Variants in SHPRH observed in about 807,000 individuals in gnomAD.
SHPRH encodes E3 ubiquitin-protein ligase SHPRH.
Under a neutral mutation model 202.5 loss-of-function variants are expected in SHPRH, and 106 were observed. The ratio of observed to expected loss-of-function variants is 0.52; its 90% confidence interval spans 0.45 to 0.62. The LOEUF (loss-of-function observed/expected upper bound fraction) is 0.62. Among genes scored for constraint, SHPRH ranks in the 20% least tolerant of loss-of-function variants. The pLI, the probability that SHPRH is intolerant of heterozygous loss-of-function variation, is 0.00. For missense variants in SHPRH, 1,710 were observed against 2,020.0 expected (o/e 0.85, Z 2.94); for synonymous variants, 729 against 686.0 (o/e 1.06, Z -0.98).
At chr6:145,932,227 TGTGTCTATATG>T (rs1015193412) in intron 14 of SHPRH, among the ~76,000 whole-genome samples, 1 of 152,166 alleles carries the variant, frequency 6.6e-6, no homozygotes, top group Non-Finnish European at 1.5e-5. Context: ...TATGGAAAGG[TGTGTCTATATG>T]GTGCTTATTA....
intron 28 of SHPRH, among the ~76,000 whole-genome samples, chr6:145,890,954 C>T (rs566302608): frequency 2.6e-5 from 4 of 152,266 alleles, no homozygotes; most frequent in Admixed American, 2.6e-4. Flanking sequence ...CTGCCATGGT[C>T]AGGTCACCTT....
intron 13 of SHPRH, among the ~76,000 whole-genome samples, chr6:145,933,427 T>A (rs1410673324): frequency 6.6e-6 from 1 of 152,134 alleles, no homozygotes; most frequent in Non-Finnish European, 1.5e-5. Flanking sequence ...CTTCCTCAAG[T>A]ACAAAGTACA....
downstream of SHPRH, among the ~76,000 whole-genome samples, chr6:145,859,494 C>A (rs1779515501): frequency 6.6e-6 from 1 of 151,884 alleles, no homozygotes; most frequent in Non-Finnish European, 1.5e-5. Context: ...GAGATATTGA[C>A]AGCAAATCAG....
chr6:145,934,789 TCTAC>T, intron 13 of SHPRH, 114 bp downstream of exon 13: 1 of 969,786 alleles, frequency 1.0e-6, no homozygotes, highest in East Asian at 2.4e-5. Context: ...AAGAAAACCC[TCTAC>T]ACCATTAAAG....
Position 145,943,610 on chromosome 6 carries a change from G to A in SHPRH, c.1771C>T (p.Pro591Ser), listed in dbSNP as rs1397328076. Residue 591 changes from proline (P) to serine (S), a missense_variant, in exon 9 of 30, where the codon CCA becomes TCA. Coordinates refer to ENST00000275233, the MANE Select transcript of SHPRH (RefSeq NM_001042683.3). ...CCTTGTGAATCGGGATTGATAAATG[G>A]TTGACTTTTTCCTTTTTTTGTGGAT... ...VPSTKKGKSQ[P>S]FINPDSQGHC... 6.2e-6 allele frequency: 10 copies of A among 1,613,698 alleles called. No individual in the cohort carries two copies. The highest frequency in any genetic ancestry group is 8.5e-6 in the Non-Finnish European group (10 of 1,179,866).
At chr6:145,931,639 T>C (rs1002003188) in intron 14 of SHPRH, among the ~76,000 whole-genome samples, 1 of 152,126 alleles carries the variant, frequency 6.6e-6, no homozygotes, top group African/African-American at 2.4e-5. Flanking sequence ...CCTGGCCTGA[T>C]TTTTTATTTT....
chr6:145,950,706 T>C (rs1358766757), intron 3 of SHPRH, among the ~76,000 whole-genome samples: 1 of 151,950 alleles, frequency 6.6e-6, no homozygotes, highest in Non-Finnish European at 1.5e-5. Flanking sequence ...TTTCTTTTGT[T>C]TTCCCTGGCT....
At chr6:145,945,267 AT>A (rs1366955394) in intron 8 of SHPRH, 113 bp downstream of exon 8, 8 of 1,283,416 alleles carry the variant, frequency 6.2e-6, no homozygotes, top group African/African-American at 3.0e-5. Flanking sequence ...TACTTTTCCT[AT>A]TTTTTTATCT....
rs1429446141 is a variant in SHPRH at position 145,886,458 on chromosome 6, T to A, written c.*233A>T. 1.2e-6 allele frequency: 1 copy of A among 848,594 alleles called. No homozygotes were observed. 52.6% of individuals were successfully genotyped at this position (848,594 alleles called of 1,614,324 possible). A position where few individuals can be genotyped will look rare whatever the true frequency, so the allele number is the denominator to read the frequency against. On this transcript the variant is annotated 3_prime_UTR_variant, in exon 30 of 30. Transcript: ENST00000275233. The stretch of plus-strand genomic sequence containing the variant: ...TATAGATACTATTTGGGACAAAAAA[T>A]AAATGTTTTATTAGGAGTGTAAAAT...
intron 11 of SHPRH, among the ~76,000 whole-genome samples, chr6:145,940,146 G>A (rs1234521407): frequency 6.6e-6 from 1 of 152,024 alleles, no homozygotes; most frequent in African/African-American, 2.4e-5. Flanking sequence ...GTGTGGAGAG[G>A]AGGAAAAAAC....
intron 2 of SHPRH, chr6:145,871,594 T>G (rs1780058860): frequency 6.6e-6 from 1 of 152,162 alleles, no homozygotes; most frequent in South Asian, 2.1e-4. Context: ...ATAGGAAGAA[T>G]CAATATTATG....
chr6:145,901,433 ATAAGAT>A (rs1009125979), intron 25 of SHPRH, among the ~76,000 whole-genome samples: 5 of 152,122 alleles, frequency 3.3e-5, no homozygotes, highest in African/African-American at 1.2e-4. Flanking sequence ...TTAAAAAAAG[ATAAGAT>A]TAAAACAGGA....
At chr6:145,872,355 G>A (rs1780094760) in intron 2 of SHPRH, among the ~76,000 whole-genome samples, 1 of 151,444 alleles carries the variant, frequency 6.6e-6, no homozygotes, top group Admixed American at 6.6e-5. Flanking sequence ...ACAAAAAAAA[G>A]CAACCCCATT....
chr6:145,962,888 C>A (rs769535220), intron 1 of SHPRH, among the ~76,000 whole-genome samples: 4 of 152,162 alleles, frequency 2.6e-5, no homozygotes, highest in Non-Finnish European at 5.9e-5. Context: ...CTACTGAATG[C>A]TAAAATATGC....
chr6:145,895,547 T>G (rs1781942056), intron 25 of SHPRH, among the ~76,000 whole-genome samples: 2 of 151,682 alleles, frequency 1.3e-5, no homozygotes, highest in African/African-American at 4.8e-5. Context: ...GTTTTTTTTT[T>G]TTTGCATCTT....
chr6:145,956,801 C>T (rs560281141), intron 1 of SHPRH, among the ~76,000 whole-genome samples: 91 of 152,102 alleles, frequency 6.0e-4, no homozygotes, highest in African/African-American at 2.1e-3. Context: ...GACTAGAAGA[C>T]TCAAAATGTT....
At position 145,886,460 on chromosome 6, in the gene SHPRH, A is replaced by G. The variant is rs988357760; in HGVS notation, c.*231T>C. 1.4e-5 allele frequency: 12 copies of G among 851,648 alleles called. No homozygotes were observed. Among genetic ancestry groups the G allele is most frequent in the Middle Eastern group, 2.2e-4 (1 of 4,534 alleles). 52.8% of individuals were successfully genotyped at this position (851,648 alleles called of 1,614,324 possible). A position where few individuals can be genotyped will look rare whatever the true frequency, so the allele number is the denominator to read the frequency against. ...TAGATACTATTTGGGACAAAAAATA[A>G]ATGTTTTATTAGGAGTGTAAAATTA... On this transcript the variant is annotated 3_prime_UTR_variant, in exon 30 of 30. Coordinates refer to ENST00000275233, the MANE Select transcript of SHPRH (RefSeq NM_001042683.3).
At chr6:145,926,807 T>G (rs1423581041) in intron 15 of SHPRH, among the ~76,000 whole-genome samples, 1 of 151,972 alleles carries the variant, frequency 6.6e-6, no homozygotes, top group Non-Finnish European at 1.5e-5. Flanking sequence ...CCTCTAAAAA[T>G]TATCATTAGA....
chr6:145,946,995 T>C (rs2128791148), intron 6 of SHPRH, among the ~76,000 whole-genome samples: 1 of 152,176 alleles, frequency 6.6e-6, no homozygotes, highest in Admixed American at 6.5e-5. Context: ...CTCTAAAATT[T>C]ATATTTTTAA....
Sources: allele counts gnomAD v4.1 joint callset (sites outside exome capture counted in the v4.1 genomes callset), GRCh38; gene constraint gnomAD v4.1.1; transcripts MANE v1.5; gene names NCBI Gene and HGNC (gene_info 2026-07-23, HGNC 2026-07-21).